BNC2: variants seen among roughly 807,000 people sequenced by gnomAD.
BNC2 encodes zinc finger protein basonuclin-2.
A neutral mutation model predicts 76.3 loss-of-function variants in BNC2; 20 were observed. The ratio of observed to expected loss-of-function variants is 0.26; its 90% CI spans 0.18 to 0.38. The LOEUF is 0.38. BNC2 is among the 10% of genes least tolerant of loss of function. BNC2 has a pLI of 1.00. For synonymous variants in BNC2, 582 were observed against 514.8 expected (o/e 1.13, Z -1.77); for missense variants, 1,382 against 1,399.8 (o/e 0.99, Z 0.20).
intron 3 of BNC2, among the ~76,000 whole-genome samples, chr9:16,692,854 G>C (rs1274806602): frequency 6.6e-6 from 1 of 152,138 alleles, no homozygotes; most frequent in Non-Finnish European, 1.5e-5. Flanking sequence ...TGGGTGCTGG[G>C]CGTCGTGGCT....
At chr9:16,684,873 G>A (rs368727573) in intron 3 of BNC2, among the ~76,000 whole-genome samples, 4 of 145,166 alleles carry the variant, frequency 2.8e-5, no homozygotes, top group Admixed American at 7.1e-5. Context: ...CATACAAAAC[G>A]AACTGAATTT....
rs548256644 is a variant in BNC2 at position 16,430,244 on chromosome 9, A to G, written c.2639+5311T>C. 9.8e-4 allele frequency among the ~76,000 whole-genome samples: 149 copies of G among 152,302 alleles called. 1 individual carries two copies. Among genetic ancestry groups the G allele is most frequent in the African/African-American group, 3.5e-3 (144 of 41,560 alleles). On this transcript the variant is annotated intron_variant, in intron 6 of 6. Coordinates refer to ENST00000380672, the MANE Select transcript of BNC2 (RefSeq NM_017637.6). ...CATTTAGAAGTCAGAGGACCTGCAC[A>G]ACTTCATGTTGTAAGAGAATTTTAG...
At chr9:16,723,530 A>G (rs890761327) in intron 3 of BNC2, among the ~76,000 whole-genome samples, 2 of 152,064 alleles carry the variant, frequency 1.3e-5, no homozygotes, top group African/African-American at 4.8e-5. Flanking sequence ...ATTTTCATTT[A>G]AAAATATAGA....
intron 1 of BNC2, among the ~76,000 whole-genome samples, chr9:16,854,421 T>G (rs1819202964): frequency 6.6e-6 from 1 of 152,216 alleles, no homozygotes; most frequent in Admixed American, 6.5e-5. Context: ...TACTCCCTCT[T>G]GATTTCTAGA....
chr9:16,781,469 A>G (rs1224938840), intron 1 of BNC2, among the ~76,000 whole-genome samples: 2 of 152,214 alleles, frequency 1.3e-5, no homozygotes, highest in Admixed American at 6.5e-5. Context: ...CAGCCACCCG[A>G]GCAGCTGGGA....
Position 16,771,112 on chromosome 9 carries a change from C to G in BNC2, c.4-32627G>C, listed in dbSNP as rs181966731. Among the ~76,000 whole-genome samples, 182 of 152,160 alleles carry G rather than the reference C, an allele frequency of 1.2e-3. 2 individuals carry two copies. Among genetic ancestry groups the G allele is most frequent in the Non-Finnish European group, 1.8e-3 (120 of 68,002 alleles). ...TGAACCCAGGAGACAGAGGTTGCAG[C>G]GAGCCAAGATCACACTACTGCTCTC... is the stretch of plus-strand genomic sequence containing the variant. On this transcript the variant is annotated intron_variant, in intron 1 of 6. Coordinates refer to ENST00000380672, the MANE Select transcript of BNC2 (RefSeq NM_017637.6).
rs918371932 is a variant in BNC2, at chr9:16,455,924, G to C, written c.670-18400C>G. ...AATCTGTAGCTATAATGGTTCCATG[G>C]AATAAAAAAGCTTGCCTTATTCCAA... On this transcript the variant is annotated intron_variant, in intron 5 of 6. Coordinates refer to ENST00000380672, the MANE Select transcript of BNC2 (RefSeq NM_017637.6). Among the ~76,000 whole-genome samples the C allele has an allele frequency of 2.0e-5, 3 of 152,234 alleles. No homozygotes were observed. The South Asian group carries it at 6.2e-4, about 32-fold the overall frequency.
chr9:16,469,745 C>A (rs1821779810), intron 5 of BNC2, among the ~76,000 whole-genome samples: 1 of 152,086 alleles, frequency 6.6e-6, no homozygotes, highest in African/African-American at 2.4e-5. Flanking sequence ...ATGGCTTTGC[C>A]CAAAATGCTG....
At chr9:16,482,643 G>A (rs79556229) in intron 5 of BNC2, among the ~76,000 whole-genome samples, 11,986 of 151,284 alleles carry the variant, frequency 0.079, 644 homozygotes, top group African/African-American at 0.15. Flanking sequence ...CCCCACAGCC[G>A]GCAGATAATT....
chr9:16,475,025 G>A (rs1216347381), intron 5 of BNC2, among the ~76,000 whole-genome samples: 1 of 152,116 alleles, frequency 6.6e-6, no homozygotes, highest in Non-Finnish European at 1.5e-5. Flanking sequence ...AGCAAAGGAG[G>A]GAAATATTAA....
chr9:16,838,985 C>T (rs1313098709), intron 1 of BNC2, among the ~76,000 whole-genome samples: 2 of 152,124 alleles, frequency 1.3e-5, no homozygotes, highest in African/African-American at 4.8e-5. Flanking sequence ...AAGGAACACA[C>T]GTGAAAGAAA....
chr9:16,617,325 C>T (rs549394474), intron 3 of BNC2, among the ~76,000 whole-genome samples: 21 of 152,102 alleles, frequency 1.4e-4, no homozygotes, highest in African/African-American at 3.1e-4. Context: ...CGAAAAAATA[C>T]AATTGAAAAC....
intron 3 of BNC2, among the ~76,000 whole-genome samples, chr9:16,591,282 T>C (rs1379599423): frequency 6.6e-6 from 1 of 152,216 alleles, no homozygotes; most frequent in Non-Finnish European, 1.5e-5. Flanking sequence ...CAATTTCACT[T>C]GTACTTGATT....
At chr9:16,517,895 C>G (rs981089456) in intron 5 of BNC2, among the ~76,000 whole-genome samples, 1 of 152,058 alleles carries the variant, frequency 6.6e-6, no homozygotes, top group African/African-American at 2.4e-5. Context: ...CTCAGCCATA[C>G]TTCAGATGTG....
In BNC2 at chr9:16,817,813, T is replaced by C. The variant is rs1818220748; in HGVS notation, c.3+52833A>G. Reference sequence around the variant, plus strand: ...GTGTGCCAGGCACTGCTTGGGACACTTGGCATATATTTTCTTTAATGTCTG... The same window carrying C: ...GTGTGCCAGGCACTGCTTGGGACACCTGGCATATATTTTCTTTAATGTCTG... On this transcript the variant is annotated intron_variant, in intron 1 of 6. Coordinates refer to ENST00000380672, the MANE Select transcript of BNC2 (RefSeq NM_017637.6). Among the ~76,000 whole-genome samples, 3 of 152,206 alleles carry C rather than the reference T, an allele frequency of 2.0e-5. No homozygotes were observed. The South Asian group carries it at 6.2e-4, about 31-fold the overall frequency.
intron 3 of BNC2, among the ~76,000 whole-genome samples, chr9:16,713,622 A>C (rs1208551235): frequency 6.6e-6 from 1 of 152,178 alleles, no homozygotes; most frequent in African/African-American, 2.4e-5. Flanking sequence ...ATGCCTATAC[A>C]AAAGTATGTC....
intron 2 of BNC2, among the ~76,000 whole-genome samples, chr9:16,728,967 G>T (rs1165656569): frequency 6.6e-6 from 1 of 151,116 alleles, no homozygotes. Context: ...GTTAAGAAAA[G>T]AAAAAGATAA....
intron 1 of BNC2, among the ~76,000 whole-genome samples, chr9:16,865,840 G>C (rs1166585125): frequency 6.6e-6 from 1 of 152,094 alleles, no homozygotes; most frequent in Non-Finnish European, 1.5e-5. Context: ...ATATGGGTTC[G>C]TAACAAATGG....
intron 1 of BNC2, among the ~76,000 whole-genome samples, chr9:16,861,664 T>C (rs1344867679): frequency 1.3e-5 from 2 of 152,006 alleles, no homozygotes. Flanking sequence ...AAGATACTAC[T>C]TCACACCCAC....
Sources: allele counts gnomAD v4.1 joint callset (sites outside exome capture counted in the v4.1 genomes callset), GRCh38; gene constraint gnomAD v4.1.1; transcripts MANE v1.5; gene names NCBI Gene and HGNC (gene_info 2026-07-23, HGNC 2026-07-21).